The following RORA variants were observed in gnomAD, a reference collection of about 807,000 sequenced individuals.
RORA encodes the protein nuclear receptor ROR-alpha.
Under a neutral mutation model 69.5 loss-of-function variants are expected in RORA, and 7 were observed. The ratio of observed to expected loss-of-function variants is 0.10; its 90% CI spans 0.06 to 0.19. The LOEUF is 0.19. Ranked by LOEUF, RORA falls within the 10% of genes least tolerant of loss-of-function variation. The probability of loss-of-function intolerance (pLI) is 1.00; values close to 1 mark genes in which losing one functional copy is unlikely to be tolerated. For synonymous variants in RORA, 261 were observed against 240.8 expected, an observed-to-expected ratio of 1.08 and a Z score of -0.78; for missense variants, 457 against 663.0, an observed-to-expected ratio of 0.69 and a Z score of 3.41.
chr15:61,182,873 G>A (rs934822262), intron 1 of RORA: 1 of 152,312 alleles, frequency 6.6e-6, no homozygotes, highest in Non-Finnish European at 1.5e-5. Context: ...TTAACCAGGA[G>A]AAAATGCCAG....
At chr15:61,106,772 T>C (rs1158952629) in intron 1 of RORA, among the ~76,000 whole-genome samples, 2 of 152,200 alleles carry the variant, frequency 1.3e-5, no homozygotes, top group African/African-American at 4.8e-5. Flanking sequence ...TTATAAACCC[T>C]GGGAGGCCAA....
chr15:60,900,146 G>A (rs1384116138), intron 1 of RORA, among the ~76,000 whole-genome samples: 3 of 152,212 alleles, frequency 2.0e-5, no homozygotes, highest in Admixed American at 6.5e-5. Flanking sequence ...TTTTGACTTG[G>A]TTAAGTACAA....
At chr15:60,773,650 C>A (rs1025522399) in intron 1 of RORA, among the ~76,000 whole-genome samples, 1 of 152,114 alleles carries the variant, frequency 6.6e-6, no homozygotes, top group Non-Finnish European at 1.5e-5. Flanking sequence ...AGTGATGAGA[C>A]CTAGAAAAGA....
intron 1 of RORA, among the ~76,000 whole-genome samples, chr15:60,983,786 T>C (rs547820415): frequency 6.6e-5 from 10 of 152,332 alleles, no homozygotes; most frequent in African/African-American, 2.2e-4. Flanking sequence ...AATGCACTGA[T>C]TGATGTCTTA....
chr15:60,937,036 G>A (rs962657892), intron 1 of RORA, among the ~76,000 whole-genome samples: 4 of 152,002 alleles, frequency 2.6e-5, no homozygotes, highest in African/African-American at 9.7e-5. Flanking sequence ...TGTGTGCTAG[G>A]CACCATATGG....
chr15:60,879,352 A>T (rs1240348621), intron 1 of RORA, among the ~76,000 whole-genome samples: 4 of 152,088 alleles, frequency 2.6e-5, no homozygotes, highest in Non-Finnish European at 4.4e-5. Context: ...CATGAGAATA[A>T]TTATGGTACC....
chr15:60,503,461 A>T (rs1326229361), intron 7 of RORA, 74 bp downstream of exon 7: 1 of 1,506,584 alleles, frequency 6.6e-7, no homozygotes, highest in African/African-American at 1.4e-5. Flanking sequence ...CACCTTCCTT[A>T]CCAAGCATTT....
intron 1 of RORA, among the ~76,000 whole-genome samples, chr15:60,814,457 G>A (rs2072782791): frequency 6.6e-6 from 1 of 152,148 alleles, no homozygotes. Context: ...AGTGTCTAGT[G>A]CAGTTCCTAA....
chr15:60,666,661 A>C (rs1035294388), intron 2 of RORA, among the ~76,000 whole-genome samples: 1 of 152,156 alleles, frequency 6.6e-6, no homozygotes, highest in Non-Finnish European at 1.5e-5. Flanking sequence ...TGGAGCAATA[A>C]GACTTTATAG....
chr15:60,735,135 A>G (rs755032385), intron 1 of RORA, among the ~76,000 whole-genome samples: 8 of 152,330 alleles, frequency 5.3e-5, no homozygotes, highest in Admixed American at 2.6e-4. Flanking sequence ...CTGAGCCTGC[A>G]ATTCAAGAGA....
intron 1 of RORA, among the ~76,000 whole-genome samples, chr15:60,930,090 A>G (rs146056513): frequency 3.6e-3 from 550 of 152,258 alleles, no homozygotes; most frequent in Non-Finnish European, 5.5e-3. Flanking sequence ...GAGGAATGGA[A>G]TTTCTTAATA....
At chr15:60,572,283 A>T (rs1233588635) in intron 2 of RORA, among the ~76,000 whole-genome samples, 1 of 152,242 alleles carries the variant, frequency 6.6e-6, no homozygotes. Context: ...AGAGGGGACA[A>T]TCACTGAGAA....
At chr15:60,653,526 T>C (rs534291424) in intron 2 of RORA, among the ~76,000 whole-genome samples, 2 of 152,326 alleles carry the variant, frequency 1.3e-5, no homozygotes, top group East Asian at 1.9e-4. Flanking sequence ...TGCATGTTGA[T>C]TGGCCAGGCA....
intron 2 of RORA, among the ~76,000 whole-genome samples, chr15:60,580,404 T>C (rs1337467287): frequency 6.6e-6 from 1 of 152,240 alleles, no homozygotes; most frequent in African/African-American, 2.4e-5. Context: ...TCCAGTTTTA[T>C]GTTCTCAAGC....
chr15:60,778,609 G>A (rs149468856), intron 1 of RORA, among the ~76,000 whole-genome samples: 4 of 151,968 alleles, frequency 2.6e-5, no homozygotes, highest in African/African-American at 4.8e-5. Flanking sequence ...TGGCTTTCTC[G>A]GGGCCTTGAA....
chr15:61,217,596 G>A lies in RORA; in HGVS notation c.166+11457C>T, dbSNP rs1260586084. 2.6e-5 allele frequency among the ~76,000 whole-genome samples: 4 copies of A among 152,158 alleles called. No homozygotes were observed. The East Asian group carries it at 5.8e-4, about 22-fold the overall frequency. Reference sequence around the variant, plus strand: ...CCAGGTATTTCAGTGAGCTTCTTAAGAGAAATGCCACCACTCAAATATAAG... The same window carrying A: ...CCAGGTATTTCAGTGAGCTTCTTAAAAGAAATGCCACCACTCAAATATAAG... On this transcript the variant is annotated intron_variant, in intron 1 of 10. Transcript: ENST00000335670.
In RORA at chr15:60,521,734, C is replaced by G. The variant is rs1390750497; in HGVS notation, c.283-6977G>C. On this transcript the variant is annotated intron_variant, in intron 3 of 10. Transcript: ENST00000335670. ...TTGTCCTGATTTTAAGTCCAGTGCCCTCTTACTTATATGTATCTTCTTCAT... is the reference window on the plus strand; with the variant it reads ...TTGTCCTGATTTTAAGTCCAGTGCCGTCTTACTTATATGTATCTTCTTCAT... Among the ~76,000 whole-genome samples the G allele has an allele frequency of 3.9e-5, 6 of 152,228 alleles. No individual in the cohort carries two copies. In the East Asian group the frequency reaches 1.2e-3, roughly 29 times the overall value.
chr15:60,612,795 G>T (rs2069128887), intron 2 of RORA, among the ~76,000 whole-genome samples: 1 of 151,758 alleles, frequency 6.6e-6, no homozygotes, highest in South Asian at 2.1e-4. Flanking sequence ...AGTTAAAAAG[G>T]GCAGAGCAGT....
intron 2 of RORA, among the ~76,000 whole-genome samples, chr15:60,640,871 C>A (rs2140673775): frequency 6.6e-6 from 1 of 152,320 alleles, no homozygotes; most frequent in African/African-American, 2.4e-5. Flanking sequence ...GTGAAAGTAT[C>A]TTAAATACTG....
Sources: allele counts gnomAD v4.1 joint callset (sites outside exome capture counted in the v4.1 genomes callset), GRCh38; gene constraint gnomAD v4.1.1; transcripts MANE v1.5; gene names NCBI Gene and HGNC (gene_info 2026-07-23, HGNC 2026-07-21).